ZYG11B: variants seen among roughly 807,000 people sequenced by gnomAD.
ZYG11B encodes the protein zyg-11 family member B, cell cycle regulator.
A neutral mutation model predicts 82.4 loss-of-function variants in ZYG11B; 36 were observed. That is an observed-to-expected ratio of 0.44 (90% confidence interval 0.33 to 0.58). The LOEUF is 0.58. ZYG11B is among the 20% of genes least tolerant of loss of function. The pLI, the probability that ZYG11B is intolerant of heterozygous loss-of-function variation, is 0.02. For synonymous variants in ZYG11B, 303 were observed against 312.8 expected, an observed-to-expected ratio of 0.97 and a Z score of 0.33; for missense variants, 552 against 895.6, an observed-to-expected ratio of 0.62 and a Z score of 4.90.
At chr1:52,777,391 C>T (rs1187478622) in intron 3 of ZYG11B, among the ~76,000 whole-genome samples, 2 of 152,078 alleles carry the variant, frequency 1.3e-5, no homozygotes, top group African/African-American at 2.4e-5. Context: ...GAAATGTCAA[C>T]CATGATACAT....
chr1:52,816,497 G>C, intron 12 of ZYG11B, 35 bp from the exon 13 acceptor site: 1 of 1,415,050 alleles, frequency 7.1e-7, no homozygotes, highest in Non-Finnish European at 9.9e-7. Flanking sequence ...CTAAATATGG[G>C]ATGTAACTTT....
intron 1 of ZYG11B, among the ~76,000 whole-genome samples, chr1:52,744,638 C>T (rs1375674916): frequency 2.0e-5 from 3 of 152,146 alleles, no homozygotes; most frequent in Non-Finnish European, 4.4e-5. Context: ...GTCAGGAGAT[C>T]GAGACCATCC....
intron 6 of ZYG11B, among the ~76,000 whole-genome samples, chr1:52,796,073 A>G (rs112754242): frequency 6.6e-6 from 1 of 152,330 alleles, no homozygotes; most frequent in East Asian, 1.9e-4. Context: ...AGTTGGAATG[A>G]TATTTTCCAA....
intron 3 of ZYG11B, among the ~76,000 whole-genome samples, chr1:52,779,448 C>G (rs1385477913): frequency 6.6e-6 from 1 of 152,040 alleles, no homozygotes; most frequent in East Asian, 1.9e-4. Flanking sequence ...TTTATTTGAT[C>G]CCAGCTTTAC....
chr1:52,817,938 A>C (rs1645250050), intron 13 of ZYG11B, among the ~76,000 whole-genome samples: 2 of 142,674 alleles, frequency 1.4e-5, no homozygotes, highest in African/African-American at 5.2e-5. Context: ...CCCAGGTTCA[A>C]GCGATTCTCT....
Position 52,771,069 on chromosome 1 carries a change from C to T in ZYG11B, c.246C>T (p.Arg82=). The T allele has an allele frequency of 6.2e-7, 1 of 1,614,168 alleles. No homozygotes were observed. The highest frequency in any genetic ancestry group is 8.5e-7 in the Non-Finnish European group (1 of 1,180,032). Residue 82 remains arginine, a synonymous_variant, in exon 3 of 14, where the codon CGC becomes CGT. Transcript: ENST00000294353. This position sits in a 1 kb window ranked among gnomAD's most constrained non-coding sequence, Gnocchi z 5.4. Reference sequence around the variant, plus strand: ...GTATTTTTAGGGGCAACCAGATGCGCTTAAAGCGAGCCTGCATTCGCAAAG... The same window carrying T: ...GTATTTTTAGGGGCAACCAGATGCGTTTAAAGCGAGCCTGCATTCGCAAAG... ...TVGIFRGNQM[R]LKRACIRKAK...
chr1:52,802,017 A>T, intron 9 of ZYG11B, 37 bp downstream of exon 9: 1 of 1,582,970 alleles, frequency 6.3e-7, no homozygotes, highest in South Asian at 1.2e-5. Flanking sequence ...TTTGATATTT[A>T]TTAATTTATT....
Position 52,803,221 on chromosome 1 carries a change from TATACACAC to T in ZYG11B, c.1695+1086_1695+1093del, listed in dbSNP as rs1558140488. ...ATATATATACACACACATATATATA[TATACACAC>T]ATATATATATACACACACACATATA... On this transcript the variant is annotated intron_variant, in intron 10 of 13. Coordinates refer to ENST00000294353, the MANE Select transcript of ZYG11B (RefSeq NM_024646.3). Among the ~76,000 whole-genome samples, 161 of 73,976 alleles carry T rather than the reference TATACACAC, an allele frequency of 2.2e-3. 3 individuals carry two copies. The highest frequency in any genetic ancestry group is 0.011 in the Middle Eastern group (2 of 180). 48.5% of individuals were successfully genotyped at this position (73,976 alleles called of 152,430 possible).
intron 1 of ZYG11B, among the ~76,000 whole-genome samples, chr1:52,729,052 G>A (rs1423437769): frequency 2.0e-5 from 3 of 152,176 alleles, no homozygotes; most frequent in African/African-American, 4.8e-5. Flanking sequence ...GTCAGCAACA[G>A]AAATTTATTT....
At chr1:52,748,925 G>A (rs1290702034) in intron 1 of ZYG11B, among the ~76,000 whole-genome samples, 2 of 151,068 alleles carry the variant, frequency 1.3e-5, no homozygotes, top group African/African-American at 2.4e-5. Context: ...AAATGGCCGG[G>A]CGTGGTTGCT....
Position 52,726,632 on chromosome 1 carries a change from C to T in ZYG11B, c.-22C>T. ...GGGCGGGCTCCGGTCCGGCCCGCCG[C>T]CGCACCCAGGACGGAGGCTGCATGC... On this transcript the variant is annotated 5_prime_UTR_variant, in exon 1 of 14. Transcript: ENST00000294353. The T allele has an allele frequency of 6.9e-7, 1 of 1,450,770 alleles. No individual in the cohort carries two copies. The highest frequency in any genetic ancestry group is 1.3e-5 in the South Asian group (1 of 74,548). The allele number at this position is 1,450,770 out of a possible 1,614,324, so 89.9% of individuals were successfully genotyped here.
At chr1:52,806,825 A>G (rs12063850) in intron 10 of ZYG11B, among the ~76,000 whole-genome samples, 1 of 151,612 alleles carries the variant, frequency 6.6e-6, no homozygotes, top group African/African-American at 2.4e-5. Context: ...TGATTTTTAA[A>G]TTTTTTTAAA....
intron 4 of ZYG11B, among the ~76,000 whole-genome samples, chr1:52,781,745 C>G (rs1644858346): frequency 6.6e-6 from 1 of 152,162 alleles, no homozygotes; most frequent in Admixed American, 6.5e-5. Flanking sequence ...AATTGAGGTT[C>G]TGTGACGTTA....
At position 52,726,523 on chromosome 1, in the gene ZYG11B, G is replaced by A. The variant is rs1644285295; in HGVS notation, c.-131G>A. The A allele has an allele frequency of 5.9e-6, 5 of 846,384 alleles. No individual in the cohort carries two copies. Among genetic ancestry groups the A allele is most frequent in the Non-Finnish European group, 8.0e-6 (5 of 621,340 alleles). The allele number at this position is 846,384 out of a possible 1,614,324, so 52.4% of individuals were successfully genotyped here. ...GCTGCTACTGCTACGCTCCTAGCTT[G>A]AGGGAAAGAGGCCGAGGCCTGGGCC... On this transcript the variant is annotated 5_prime_UTR_variant, in exon 1 of 14. Coordinates refer to ENST00000294353, the MANE Select transcript of ZYG11B (RefSeq NM_024646.3).
chr1:52,780,078 A>G (rs1644842631), intron 4 of ZYG11B, 85 bp downstream of exon 4: 2 of 1,388,424 alleles, frequency 1.4e-6, no homozygotes. Context: ...GAAAATTTGC[A>G]TTTAGTCTTT....
chr1:52,817,793 A>ATATG (rs1457819416), intron 13 of ZYG11B, among the ~76,000 whole-genome samples: 2 of 44,562 alleles, frequency 4.5e-5, no homozygotes, highest in East Asian at 3.5e-4. Flanking sequence ...ATATATATAT[A>ATATG]TATATATATA....
chr1:52,783,014 C>T (rs1300951904), intron 4 of ZYG11B, among the ~76,000 whole-genome samples: 2 of 150,870 alleles, frequency 1.3e-5, no homozygotes, highest in South Asian at 2.1e-4. Flanking sequence ...GCAACCTCTG[C>T]TTCCCATGTT....
In ZYG11B at chr1:52,820,166, G is replaced by A. The variant is rs190292967; in HGVS notation, c.2045-1273G>A. On this transcript the variant is annotated intron_variant, in intron 13 of 13. Coordinates refer to ENST00000294353, the MANE Select transcript of ZYG11B (RefSeq NM_024646.3). ...CCTGACCTCGTTATCTGCTCGCCTCGGCCTCCCAAACTGCTGGGATTACAG... is the reference window on the plus strand; with the variant it reads ...CCTGACCTCGTTATCTGCTCGCCTCAGCCTCCCAAACTGCTGGGATTACAG... 3.5e-3 allele frequency among the ~76,000 whole-genome samples: 528 copies of A among 151,062 alleles called. 2 individuals are homozygous for A. Among genetic ancestry groups the A allele is most frequent in the African/African-American group, 0.012 (499 of 41,226 alleles).
chr1:52,797,363 A>G (rs1174194207), intron 8 of ZYG11B, among the ~76,000 whole-genome samples: 5 of 50,680 alleles, frequency 9.9e-5, no homozygotes, highest in East Asian at 7.4e-3. Flanking sequence ...TATATAATAC[A>G]TATAATATAT....
Sources: gnomAD v4.1 joint callset for allele counts (sites outside exome capture counted in the v4.1 genomes callset) on GRCh38, gnomAD v4.1.1 for gene constraint, Gnocchi (gnomAD v3.1) non-coding constraint, MANE v1.5 for transcripts, NCBI Gene and HGNC (gene_info 2026-07-23, HGNC 2026-07-21) for gene names.